Variants in TNKS observed in about 807,000 individuals in gnomAD.
TNKS encodes the protein tankyrase.
A neutral mutation model predicts 135.8 loss-of-function variants in TNKS; 72 were observed. The observed-to-expected ratio is 0.53, with a 90% CI of 0.44 to 0.64. The LOEUF (loss-of-function observed/expected upper bound fraction) is 0.64. TNKS is among the 30% of genes least tolerant of loss of function. The pLI is 0.00. For missense variants in TNKS, 1,769 were observed against 1,674.0 expected (o/e 1.06, Z -0.99); for synonymous variants, 849 against 649.3 (o/e 1.31, Z -4.68).
intron 1 of TNKS, chr8:9,557,835 A>G (rs977253938): frequency 6.6e-6 from 1 of 152,196 alleles, no homozygotes; most frequent in African/African-American, 2.4e-5. Flanking sequence ...AAAGTGAAGC[A>G]TATATCGATC....
In TNKS at chr8:9,660,995, A is replaced by C. The variant is rs953661623; in HGVS notation, c.995-18956A>C. Among the ~76,000 whole-genome samples the C allele has an allele frequency of 9.2e-4, 137 of 149,490 alleles. 3 individuals carry two copies. The highest frequency in any genetic ancestry group is 3.2e-3 in the African/African-American group (128 of 40,438). Reference sequence around the variant, plus strand: ...ACTCCCATTCACAGTTGCTTCAAAAAGAATAAAATACCTAGGAATCCAACT... The same window carrying C: ...ACTCCCATTCACAGTTGCTTCAAAACGAATAAAATACCTAGGAATCCAACT... On this transcript the variant is annotated intron_variant, in intron 3 of 26. Coordinates refer to ENST00000310430, the MANE Select transcript of TNKS (RefSeq NM_003747.3).
intron 5 of TNKS, among the ~76,000 whole-genome samples, chr8:9,681,331 T>A (rs1312793535): frequency 6.6e-6 from 1 of 152,140 alleles, no homozygotes; most frequent in African/African-American, 2.4e-5. Context: ...GAAAATAGAT[T>A]AAAACAGAGA....
At position 9,781,497 on chromosome 8, in the gene TNKS, T is replaced by C. The variant is rs186472689; in HGVS notation, c.*4761T>C. On this transcript the variant is annotated 3_prime_UTR_variant, in exon 27 of 27. Coordinates refer to ENST00000310430, the MANE Select transcript of TNKS (RefSeq NM_003747.3). The stretch of plus-strand genomic sequence containing the variant: ...ATCTTTGAGGCCGATAGCCTAGACC[T>C]AGAAGATGACCTTGAGTATGTAAAC... The C allele has an allele frequency of 1.1e-4, 16 of 152,350 alleles. No homozygotes were observed. Among genetic ancestry groups the C allele is most frequent in the Admixed American group, 4.6e-4 (7 of 15,312 alleles). The allele number at this position is 152,350 out of a possible 1,614,324, so 9.4% of individuals were successfully genotyped here.
chr8:9,705,557 C>G (rs1422308637), intron 6 of TNKS, among the ~76,000 whole-genome samples: 2 of 152,190 alleles, frequency 1.3e-5, no homozygotes, highest in Non-Finnish European at 2.9e-5. Context: ...AAGAATTCTT[C>G]CATTTCCAAT....
intron 3 of TNKS, among the ~76,000 whole-genome samples, chr8:9,657,799 C>A (rs1221624277): frequency 1.3e-5 from 2 of 151,128 alleles, no homozygotes; most frequent in East Asian, 4.0e-4. Context: ...CACCTCCCTC[C>A]CGGATGGGGC....
rs1376959454 is a variant in TNKS, at chr8:9,744,497, A to C, written c.2644-3527A>C. 2.0e-5 allele frequency among the ~76,000 whole-genome samples: 3 copies of C among 152,208 alleles called. No individual in the cohort carries two copies. In the East Asian group the frequency reaches 5.8e-4, roughly 29 times the overall value. ...CTTTCCCCTACTTCCCACCTTTTTA[A>C]AATTAAAAGCTTCCCAGTCTTTTTA... On this transcript the variant is annotated intron_variant, in intron 17 of 26. Transcript: ENST00000310430.
intron 18 of TNKS, among the ~76,000 whole-genome samples, chr8:9,750,421 G>A (rs1197230613): frequency 1.3e-5 from 2 of 152,230 alleles, no homozygotes; most frequent in Non-Finnish European, 2.9e-5. Context: ...CACCAGTCCA[G>A]TTGACAAGGC....
rs1460136708 is a variant in TNKS at position 9,575,188 on chromosome 8, G to C, written c.674-4971G>C. The C allele has an allele frequency of 1.9e-5, 12 of 621,188 alleles. No individual in the cohort carries two copies. The South Asian group carries it at 5.7e-4, about 30-fold the overall frequency. 38.5% of individuals were successfully genotyped at this position (621,188 alleles called of 1,614,324 possible). A position where few individuals can be genotyped will look rare whatever the true frequency, so the allele number is the denominator to read the frequency against. On this transcript the variant is annotated intron_variant, in intron 1 of 26. Coordinates refer to ENST00000310430, the MANE Select transcript of TNKS (RefSeq NM_003747.3). ...TGCAAGCTCCGCCTCCCGGGTTCAC[G>C]CCATTCTCCTGCCTCAGCCTCCGGA...
chr8:9,619,812 A>G (rs115100184), intron 3 of TNKS, among the ~76,000 whole-genome samples: 1,811 of 142,400 alleles, frequency 0.013, 39 homozygotes, highest in African/African-American at 0.045. Flanking sequence ...TTTTCCTGCT[A>G]ACTGCCTCCT....
chr8:9,572,172 C>G (rs1274136383), intron 1 of TNKS, among the ~76,000 whole-genome samples: 1 of 152,140 alleles, frequency 6.6e-6, no homozygotes, highest in Non-Finnish European at 1.5e-5. Context: ...TCTGTGTTCA[C>G]CTTAGAGATT....
At chr8:9,594,183 G>A (rs575897916) in intron 2 of TNKS, among the ~76,000 whole-genome samples, 34 of 152,186 alleles carry the variant, frequency 2.2e-4, no homozygotes, top group African/African-American at 7.2e-4. Flanking sequence ...CACTGCGCCC[G>A]GCTATCTCCT....
intron 3 of TNKS, among the ~76,000 whole-genome samples, chr8:9,625,260 A>C (rs1465613942): frequency 6.6e-6 from 1 of 152,024 alleles, no homozygotes; most frequent in Admixed American, 6.6e-5. Flanking sequence ...CAGGGTCTGT[A>C]GTAATAATCC....
rs1032959021 is a variant in TNKS, at chr8:9,708,454, A to G, written c.1540A>G (p.Ile514Val). ...KVKKTLALEI[I>V]NFKQPQSHET... is the part of the protein sequence containing the mutation. ...TAAAAAAACACTCGCTCTGGAAATC[A>G]TTAATTTCAAACAACCGCAGTCTCA... The change falls in exon 9 of 27, where the codon ATT (isoleucine) becomes GTT (valine). Residue 514 changes from isoleucine (I) to valine (V), a missense_variant. By Grantham distance (29) the Ile-to-Val change is conservative. Coordinates refer to ENST00000310430, the MANE Select transcript of TNKS (RefSeq NM_003747.3). 8 of 1,609,304 alleles carry G rather than the reference A, an allele frequency of 5.0e-6. No individual in the cohort carries two copies. Among genetic ancestry groups the G allele is most frequent in the South Asian group, 1.1e-5 (1 of 90,152 alleles).
chr8:9,705,137 A>T (rs1803987403), intron 6 of TNKS, among the ~76,000 whole-genome samples: 1 of 152,186 alleles, frequency 6.6e-6, no homozygotes, highest in African/African-American at 2.4e-5. Context: ...GATAAACCAA[A>T]ATCATAAGTA....
intron 6 of TNKS, among the ~76,000 whole-genome samples, chr8:9,705,236 C>T (rs1445708182): frequency 1.3e-5 from 2 of 152,014 alleles, no homozygotes; most frequent in Non-Finnish European, 2.9e-5. Flanking sequence ...TGGGTGGTAA[C>T]TAAAAAAGCA....
At chr8:9,768,711 G>C (rs1807613833) in intron 25 of TNKS, among the ~76,000 whole-genome samples, 1 of 152,236 alleles carries the variant, frequency 6.6e-6, no homozygotes, top group South Asian at 2.1e-4. Context: ...GAGACTAGCA[G>C]AATCTAACGA....
At chr8:9,735,800 A>T (rs889774881) in intron 17 of TNKS, among the ~76,000 whole-genome samples, 59 of 152,038 alleles carry the variant, frequency 3.9e-4, no homozygotes, top group African/African-American at 1.3e-3. Context: ...ACTCTGACTC[A>T]AAATAAATAA....
At chr8:9,702,328 T>C (rs7013239) in intron 5 of TNKS, among the ~76,000 whole-genome samples, 85,149 of 147,270 alleles carry the variant, frequency 0.58, 24,340 homozygotes, top group Middle Eastern at 0.68. Context: ...CACACACACA[T>C]ACACACACGA....
chr8:9,662,363 A>T (rs1393993142), intron 3 of TNKS, among the ~76,000 whole-genome samples: 1 of 152,230 alleles, frequency 6.6e-6, no homozygotes, highest in South Asian at 2.1e-4. Context: ...CATCAACGAT[A>T]GACTGGATTA....
Sources: gnomAD v4.1 joint callset for allele counts (sites outside exome capture counted in the v4.1 genomes callset) on GRCh38, gnomAD v4.1.1 for gene constraint, MANE v1.5 for transcripts, NCBI Gene and HGNC (gene_info 2026-07-23, HGNC 2026-07-21) for gene names.